The following SNX29 variants were observed in gnomAD, a reference collection of about 807,000 sequenced individuals.
SNX29 encodes the protein sorting nexin-29.
In SNX29, 78 loss-of-function variants were observed where a neutral mutation model predicts 102.1. The ratio of observed to expected loss-of-function variants is 0.76; its 90% CI spans 0.64 to 0.92. SNX29 has a LOEUF of 0.92. SNX29 is among the 40% of genes least tolerant of loss of function. The pLI, the probability that SNX29 is intolerant of heterozygous loss-of-function variation, is 0.00. For synonymous variants in SNX29, 580 were observed against 414.5 expected (o/e 1.40, Z -4.85); for missense variants, 1,280 against 1,061.7 (o/e 1.21, Z -2.86).
At chr16:12,418,960 C>G (rs909119315) in intron 18 of SNX29, among the ~76,000 whole-genome samples, 1 of 152,194 alleles carries the variant, frequency 6.6e-6, no homozygotes, top group African/African-American at 2.4e-5. Context: ...TGTCTGATGC[C>G]TCCCTTGCTA....
chr16:12,090,569 CG>C (rs1555458347), intron 11 of SNX29, among the ~76,000 whole-genome samples: 2 of 152,150 alleles, frequency 1.3e-5, no homozygotes, highest in Non-Finnish European at 2.9e-5. Flanking sequence ...ACCCTAGTCC[CG>C]GGGTTTAGGG....
Position 12,555,781 on chromosome 16 carries a change from C to T in SNX29, c.2319-12725C>T, listed in dbSNP as rs563027119. 9.9e-5 allele frequency among the ~76,000 whole-genome samples: 15 copies of T among 151,994 alleles called. No individual in the cohort carries two copies. The South Asian group carries it at 2.5e-3, about 25-fold the overall frequency. On this transcript the variant is annotated intron_variant, in intron 20 of 20. Coordinates refer to ENST00000566228, the MANE Select transcript of SNX29 (RefSeq NM_032167.5). ...CTAGCCTTCAGGCTGCTCAGTGGCACCAGGCAGGCACACTCCTGCCTGCCT... is the reference window on the plus strand; with the variant it reads ...CTAGCCTTCAGGCTGCTCAGTGGCATCAGGCAGGCACACTCCTGCCTGCCT...
intron 19 of SNX29, among the ~76,000 whole-genome samples, chr16:12,511,769 C>T (rs1044601600): frequency 2.6e-5 from 4 of 152,018 alleles, no homozygotes; most frequent in Non-Finnish European, 5.9e-5. Context: ...GATCTGTCAT[C>T]CCCCCTCCCC....
intron 14 of SNX29, among the ~76,000 whole-genome samples, chr16:12,214,196 G>A (rs148794147): frequency 0.013 from 1,983 of 152,240 alleles, 24 homozygotes; most frequent in Non-Finnish European, 0.02. Context: ...ATCAAGTATC[G>A]ATTCACGATT....
At chr16:12,455,367 TG>T (rs1199154659) in intron 18 of SNX29, among the ~76,000 whole-genome samples, 1 of 152,176 alleles carries the variant, frequency 6.6e-6, no homozygotes, top group Non-Finnish European at 1.5e-5. Context: ...CCAGCATTCC[TG>T]GTCAGCCACA....
At chr16:12,043,979 C>G (rs1201173118) in intron 5 of SNX29, among the ~76,000 whole-genome samples, 3 of 152,194 alleles carry the variant, frequency 2.0e-5, no homozygotes, top group Non-Finnish European at 4.4e-5. Context: ...GTCTTGAACT[C>G]CAGACCTCAG....
intron 18 of SNX29, among the ~76,000 whole-genome samples, chr16:12,432,877 A>C (rs901009343): frequency 6.6e-6 from 1 of 152,182 alleles, no homozygotes; most frequent in Non-Finnish European, 1.5e-5. Flanking sequence ...GGGGCAGAAG[A>C]CTTTCTCCCC....
intron 19 of SNX29, among the ~76,000 whole-genome samples, chr16:12,493,678 G>A (rs1157601763): frequency 1.3e-5 from 2 of 152,112 alleles, no homozygotes; most frequent in African/African-American, 2.4e-5. Context: ...TGCAACCTCC[G>A]CTTCCTGGGT....
At chr16:12,118,954 A>C (rs1202124698) in intron 11 of SNX29, among the ~76,000 whole-genome samples, 2 of 152,148 alleles carry the variant, frequency 1.3e-5, no homozygotes, top group Non-Finnish European at 2.9e-5. Flanking sequence ...TGCTTTGTAA[A>C]AATGGCGGTG....
At chr16:12,281,458 C>T (rs1447343258) in intron 15 of SNX29, among the ~76,000 whole-genome samples, 1 of 152,076 alleles carries the variant, frequency 6.6e-6, no homozygotes, top group Non-Finnish European at 1.5e-5. Flanking sequence ...GCATCTTGTG[C>T]CAAGGACTGG....
In SNX29 at chr16:12,526,887, C is replaced by G. The variant is rs146871702; in HGVS notation, c.2318+2046C>G. 1.7e-3 allele frequency: 655 copies of G among 395,340 alleles called. 3 individuals carry two copies. Among genetic ancestry groups the G allele is most frequent in the African/African-American group, 0.012 (591 of 49,756 alleles). The allele number at this position is 395,340 out of a possible 1,614,324, so 24.5% of individuals were successfully genotyped here. ...CGTTAATGCGAGCCTGTCGGTGTGACATGAATCTCAGCCATGCTGGTTGCC... is the reference window on the plus strand; with the variant it reads ...CGTTAATGCGAGCCTGTCGGTGTGAGATGAATCTCAGCCATGCTGGTTGCC... On this transcript the variant is annotated intron_variant, in intron 20 of 20. Coordinates refer to ENST00000566228, the MANE Select transcript of SNX29 (RefSeq NM_032167.5).
At chr16:11,984,833 G>A (rs1596526596) in intron 1 of SNX29, among the ~76,000 whole-genome samples, 1 of 151,988 alleles carries the variant, frequency 6.6e-6, no homozygotes, top group East Asian at 1.9e-4. Flanking sequence ...TTTTTCATTT[G>A]GTGTAGAGAC....
In SNX29 at chr16:12,569,134, G is replaced by C. The variant is rs1057158777; in HGVS notation, c.*505G>C. 2.6e-4 allele frequency: 33 copies of C among 127,152 alleles called. 3 individuals are homozygous for C. Among genetic ancestry groups the C allele is most frequent in the African/African-American group, 5.5e-4 (16 of 29,312 alleles). The allele number at this position is 127,152 out of a possible 1,614,324, so 7.9% of individuals were successfully genotyped here. On this transcript the variant is annotated 3_prime_UTR_variant, in exon 21 of 21. Transcript: ENST00000566228. ...ATGGCTGGCTTTGCGGGGGGGGGGG[G>C]GGGGGGGGGCATGGTTCCTTTCACT...
intron 11 of SNX29, among the ~76,000 whole-genome samples, chr16:12,093,255 T>G (rs531511900): frequency 6.6e-6 from 1 of 152,164 alleles, no homozygotes; most frequent in African/African-American, 2.4e-5. Flanking sequence ...TCACGGCAAG[T>G]TGAGAAGCAA....
At chr16:12,563,868 C>T (rs981905394) in intron 20 of SNX29, among the ~76,000 whole-genome samples, 14 of 152,364 alleles carry the variant, frequency 9.2e-5, no homozygotes, top group Non-Finnish European at 8.8e-5. Context: ...CATCTCTCCC[C>T]ATCTCTAGCC....
chr16:12,572,935 A>G lies in SNX29; in HGVS notation c.*4306A>G, dbSNP rs2079218875. 1 of 838,504 alleles carries G rather than the reference A, an allele frequency of 1.2e-6. No individual in the cohort carries two copies. The highest frequency in any genetic ancestry group is 1.5e-6 in the Non-Finnish European group (1 of 673,084). 51.9% of individuals were successfully genotyped at this position (838,504 alleles called of 1,614,324 possible). A position where few individuals can be genotyped will look rare whatever the true frequency, so the allele number is the denominator to read the frequency against. ...CAGACTTGGAGTGTTTCTTCAAGGC[A>G]GGCATCTGCTTATGAGCAAGGTCAA... On this transcript the variant is annotated 3_prime_UTR_variant, in exon 21 of 21. Transcript: ENST00000566228.
intron 13 of SNX29, among the ~76,000 whole-genome samples, chr16:12,158,945 T>G (rs1432135736): frequency 6.6e-6 from 1 of 152,172 alleles, no homozygotes; most frequent in Non-Finnish European, 1.5e-5. Flanking sequence ...GCCTGTGGCG[T>G]GGAATCATTT....
chr16:12,092,067 A>G (rs912978808), intron 11 of SNX29, among the ~76,000 whole-genome samples: 1 of 152,200 alleles, frequency 6.6e-6, no homozygotes, highest in African/African-American at 2.4e-5. Flanking sequence ...AGCGCAGCAC[A>G]GGCAATCTCA....
intron 20 of SNX29, among the ~76,000 whole-genome samples, chr16:12,544,207 C>T (rs554879037): frequency 2.4e-4 from 36 of 152,310 alleles, no homozygotes; most frequent in African/African-American, 5.5e-4. Flanking sequence ...GCTTCAGAAC[C>T]GTGACAGCCG....
Sources: gnomAD v4.1 joint callset for allele counts (sites outside exome capture counted in the v4.1 genomes callset) on GRCh38, gnomAD v4.1.1 for gene constraint, MANE v1.5 for transcripts, NCBI Gene and HGNC (gene_info 2026-07-23, HGNC 2026-07-21) for gene names.